The following CD46 variants were observed in gnomAD, a reference collection of about 807,000 sequenced individuals.
The protein encoded by CD46 is CD46 molecule.
Under a neutral mutation model 53.3 loss-of-function variants are expected in CD46, and 30 were observed. The ratio of observed to expected loss-of-function variants is 0.56; its 90% CI spans 0.42 to 0.76. The LOEUF (loss-of-function observed/expected upper bound fraction) is 0.76. Among genes scored for constraint, CD46 ranks in the 30% least tolerant of loss-of-function variants. The pLI is 0.00. For synonymous variants in CD46, 142 were observed against 152.0 expected, an observed-to-expected ratio of 0.93 and a Z score of 0.48; for missense variants, 409 against 463.0, an observed-to-expected ratio of 0.88 and a Z score of 1.07.
In CD46 at chr1:207,759,666, A is replaced by G. The variant is rs12126088; in HGVS notation, c.417A>G (p.Leu139=). The change falls in exon 4 of 13, where the codon CTA becomes CTG. Residue 139 remains leucine, a synonymous_variant. Transcript: ENST00000367042. ...ATTACTTAATTGGTGAAGAAATTCT[A>G]TATTGTGAACTTAAAGGATCAGTAG... ...EGYYLIGEEI[L]YCELKGSVAI... The G allele has an allele frequency of 7.2e-3, 11,451 of 1,595,512 alleles. 51 individuals carry two copies. Among genetic ancestry groups the G allele is most frequent in the Non-Finnish European group, 8.2e-3 (9,523 of 1,163,348 alleles).
In CD46 at chr1:207,785,657, T is replaced by G; in HGVS notation, c.1057T>G (p.Tyr353Asp). Residue 353 changes from tyrosine to aspartate, a missense_variant, in exon 11 of 13, where the codon TAT (tyrosine) becomes GAT (aspartate). Coordinates refer to ENST00000367042, the MANE Select transcript of CD46 (RefSeq NM_172351.3). ...VAVICVVPYR[Y>D]LQRRKKKGTY... ...AGTAATTTGTGTTGTCCCGTACAGA[T>G]ATCTTCAAAGGAGGAAGAAGAAAGG... 1 of 1,610,830 alleles carries G rather than the reference T, an allele frequency of 6.2e-7. No individual in the cohort carries two copies. The highest frequency in any genetic ancestry group is 1.1e-5 in the South Asian group (1 of 91,016).
Position 207,790,334 on chromosome 1 carries a change from T to C in CD46, c.*30T>C. Reference sequence around the variant, plus strand: ...GAGAGATGAGAGAAAGGTTTGCTTTTATCATTAAAAGGTATCTGTTTTCTG... The same window carrying C: ...GAGAGATGAGAGAAAGGTTTGCTTTCATCATTAAAAGGTATCTGTTTTCTG... On this transcript the variant is annotated 3_prime_UTR_variant, in exon 12 of 13. Coordinates refer to ENST00000367042, the MANE Select transcript of CD46 (RefSeq NM_172351.3). The C allele has an allele frequency of 1.3e-6, 2 of 1,548,078 alleles. No homozygotes were observed. Among genetic ancestry groups the C allele is most frequent in the Non-Finnish European group, 1.8e-6 (2 of 1,120,524 alleles).
At chr1:207,780,813 C>T (rs374508876) in intron 8 of CD46, among the ~76,000 whole-genome samples, 1 of 151,886 alleles carries the variant, frequency 6.6e-6, no homozygotes, top group African/African-American at 2.4e-5. Flanking sequence ...TTATAATGAA[C>T]AGAAATTTAT....
At chr1:207,771,099 G>T (rs894805441) in intron 8 of CD46, among the ~76,000 whole-genome samples, 1 of 152,182 alleles carries the variant, frequency 6.6e-6, no homozygotes, top group South Asian at 2.1e-4. Flanking sequence ...CAATCTAACT[G>T]GCGTGAGTGG....
intron 11 of CD46, chr1:207,786,050 C>A: frequency 4.8e-6 from 1 of 210,384 alleles, no homozygotes; most frequent in Non-Finnish European, 9.7e-6. Context: ...AAGTATTTCA[C>A]TGTGGAGACT....
chr1:207,757,349 C>A, intron 2 of CD46, 147 bp downstream of exon 2: 1 of 889,010 alleles, frequency 1.1e-6, no homozygotes, highest in Non-Finnish European at 1.8e-6. Context: ...TTTGAGAAAT[C>A]AAAATCTCCA....
chr1:207,753,968 A>G (rs550357959), intron 1 of CD46, among the ~76,000 whole-genome samples: 23 of 152,166 alleles, frequency 1.5e-4, no homozygotes, highest in Non-Finnish European at 2.9e-4. Flanking sequence ...TTTTTTCACT[A>G]TTTGTTTACA....
Position 207,767,208 on chromosome 1 carries a change from T to G in CD46, c.856+13T>G, listed in dbSNP as rs1408224387. 6.2e-7 allele frequency: 1 copy of G among 1,605,992 alleles called. No individual in the cohort carries two copies. Among genetic ancestry groups the G allele is most frequent in the African/African-American group, 1.3e-5 (1 of 74,756 alleles). On this transcript the variant is annotated intron_variant, in intron 6 of 12. Coordinates refer to ENST00000367042, the MANE Select transcript of CD46 (RefSeq NM_172351.3). ...AAGTGTCTTAAAGGTACAAAGGTTA[T>G]CTTTTTTCTGTCTTGGTTTGTTATT...
At chr1:207,766,711 C>G (rs1656889718) in intron 5 of CD46, among the ~76,000 whole-genome samples, 1 of 151,968 alleles carries the variant, frequency 6.6e-6, no homozygotes, top group East Asian at 1.9e-4. Context: ...GTGGGGAAAA[C>G]AACAAAAACC....
chr1:207,767,710 T>C (rs911253580), intron 6 of CD46, 69 bp from the exon 7 acceptor site: 11 of 1,588,538 alleles, frequency 6.9e-6, no homozygotes, highest in Admixed American at 3.3e-5. Context: ...TATAAGGAAT[T>C]CCTGGAGAAA....
At chr1:207,776,150 A>AG (rs1327009806) in intron 8 of CD46, among the ~76,000 whole-genome samples, 4 of 152,326 alleles carry the variant, frequency 2.6e-5, no homozygotes, top group Non-Finnish European at 1.5e-5. Context: ...GCAGTGAGCA[A>AG]GGTTCTGTGA....
chr1:207,757,074 A>G lies in CD46; in HGVS notation c.158A>G (p.Tyr53Cys). The G allele has an allele frequency of 3.1e-6, 5 of 1,614,044 alleles. No homozygotes were observed. Among genetic ancestry groups the G allele is most frequent in the Non-Finnish European group, 1.7e-6 (2 of 1,179,922 alleles). ...GAGCTCATTGGTAAACCAAAACCCT[A>G]CTATGAGATTGGTGAACGAGTAGAT... ...AMELIGKPKP[Y>C]YEIGERVDYK... The change falls in exon 2 of 13, where the codon TAC becomes TGC. Residue 53 changes from tyrosine to cysteine, a missense_variant. Physicochemically the swap from Tyr to Cys is radical, Grantham distance 194 (BLOSUM62 -2). Transcript: ENST00000367042.
intron 5 of CD46, among the ~76,000 whole-genome samples, chr1:207,766,138 G>A (rs1336673646): frequency 6.6e-6 from 1 of 152,186 alleles, no homozygotes; most frequent in Non-Finnish European, 1.5e-5. Context: ...GTGGAAGTGG[G>A]GATGAGGGGG....
intron 8 of CD46, among the ~76,000 whole-genome samples, chr1:207,773,555 C>G (rs1489475684): frequency 6.6e-6 from 1 of 152,154 alleles, no homozygotes; most frequent in Non-Finnish European, 1.5e-5. Context: ...TCCCTCTACA[C>G]ACTGCTTTAA....
chr1:207,779,911 G>GTATTTTTTTTTTTT (rs1163376440), intron 8 of CD46, among the ~76,000 whole-genome samples: 1 of 25,822 alleles, frequency 3.9e-5, no homozygotes, highest in African/African-American at 1.3e-4. Flanking sequence ...GCAAAAGCAA[G>GTATTTTTTTTTTTT]TCTTTTTTTT....
At position 207,790,656 on chromosome 1, in the gene CD46, G is replaced by A. The variant is rs41317999; in HGVS notation, c.*41+311G>A. On this transcript the variant is annotated intron_variant, in intron 12 of 12. Coordinates refer to ENST00000367042, the MANE Select transcript of CD46 (RefSeq NM_172351.3). ...AAAAGTAAGAATTTGTGAGCCAACT[G>A]GGAAATAACCACAGAATCAACTCAT... Among the ~76,000 whole-genome samples the A allele has an allele frequency of 1.6e-3, 242 of 152,256 alleles. 1 individual carries two copies. Among genetic ancestry groups the A allele is most frequent in the African/African-American group, 5.4e-3 (225 of 41,538 alleles).
intron 12 of CD46, among the ~76,000 whole-genome samples, chr1:207,790,670 G>GAATC (rs1414591909): frequency 1.3e-5 from 2 of 152,174 alleles, no homozygotes; most frequent in Non-Finnish European, 2.9e-5. Context: ...AATAACCACA[G>GAATC]AATCAACTCA....
intron 8 of CD46, among the ~76,000 whole-genome samples, chr1:207,780,005 ATT>A (rs1390658614): frequency 1.5e-5 from 2 of 135,094 alleles, no homozygotes; most frequent in African/African-American, 2.8e-5. Flanking sequence ...ACTCTATGTT[ATT>A]TTTTCCAAAT....
chr1:207,752,093 GC>G lies in CD46; in HGVS notation c.-119del. ...GCCCACCTGTCCTGCAGCACTGGAT[GC>G]TTTGTGAGTTGGGGATTGTTGCGTC... On this transcript the variant is annotated 5_prime_UTR_variant, in exon 1 of 13. It removes the in-frame stop codon of an upstream open reading frame in the 5' UTR. Coordinates refer to ENST00000367042, the MANE Select transcript of CD46 (RefSeq NM_172351.3). The surrounding 1 kb of genome is among the most constrained non-coding windows in gnomAD (Gnocchi z 4.1). 2.0e-6 allele frequency: 2 copies of G among 982,216 alleles called. No individual in the cohort carries two copies. The highest frequency in any genetic ancestry group is 1.6e-6 in the Non-Finnish European group (1 of 616,818). 60.8% of individuals were successfully genotyped at this position (982,216 alleles called of 1,614,324 possible). A position where few individuals can be genotyped will look rare whatever the true frequency, so the allele number is the denominator to read the frequency against.
Sources: allele counts gnomAD v4.1 joint callset (sites outside exome capture counted in the v4.1 genomes callset), GRCh38; gene constraint gnomAD v4.1.1; non-coding constraint Gnocchi (gnomAD v3.1); transcripts MANE v1.5; gene names NCBI Gene and HGNC (gene_info 2026-07-23, HGNC 2026-07-21).